The following CXCL13 variants were observed in gnomAD, a reference collection of about 807,000 sequenced individuals.
CXCL13 encodes the protein C-X-C motif chemokine ligand 13.
In CXCL13, 7 loss-of-function variants were observed where a neutral mutation model predicts 12.2. The ratio of observed to expected loss-of-function variants is 0.57; its 90% CI spans 0.33 to 1.07. The LOEUF is 1.07. Ranked by LOEUF, CXCL13 falls within the 50% of genes least tolerant of loss-of-function variation. The pLI is 0.04. For missense variants in CXCL13, 113 were observed against 127.4 expected, an observed-to-expected ratio of 0.89 and a Z score of 0.55; for synonymous variants, 47 against 42.4, an observed-to-expected ratio of 1.11 and a Z score of -0.42.
chr4:77,596,518 C>T (rs991028539), intron 1 of CXCL13, among the ~76,000 whole-genome samples: 1 of 152,186 alleles, frequency 6.6e-6, no homozygotes, highest in African/African-American at 2.4e-5. Context: ...GGCACAGTGG[C>T]TCATGCCTGT....
At chr4:77,515,811 A>C (rs545570985) in intron 1 of CXCL13, among the ~76,000 whole-genome samples, 2,226 of 152,076 alleles carry the variant, frequency 0.015, 36 homozygotes, top group Non-Finnish European at 0.022. Context: ...CCTTCTCCTG[A>C]CTAATTGCCC....
intron 1 of CXCL13, among the ~76,000 whole-genome samples, chr4:77,568,344 C>G (rs1447728012): frequency 6.6e-6 from 1 of 152,166 alleles, no homozygotes; most frequent in Non-Finnish European, 1.5e-5. Context: ...TCTGGGTGCC[C>G]CATAGCAGCA....
Position 77,610,606 on chromosome 4 carries a change from TC to T in CXCL13, c.198-3del, listed in dbSNP as rs1004372342. On this transcript the variant is annotated splice_region_variant and splice_polypyrimidine_tract_variant and intron_variant, in intron 2 of 3. Coordinates refer to ENST00000682537, the MANE Select transcript of CXCL13 (RefSeq NM_001371558.1). ...AGACTGAATTATTTAATTTTTATTT[TC>T]CCCCAGAGTCTGGAAGAAGAACAAG... The T allele has an allele frequency of 1.3e-6, 2 of 1,599,696 alleles. No homozygotes were observed. The highest frequency in any genetic ancestry group is 1.7e-6 in the Non-Finnish European group (2 of 1,167,150).
At chr4:77,586,961 G>A (rs1726487324) in intron 1 of CXCL13, among the ~76,000 whole-genome samples, 1 of 152,204 alleles carries the variant, frequency 6.6e-6, no homozygotes, top group Non-Finnish European at 1.5e-5. Context: ...AATAAGGGAA[G>A]TTCTAGGGGG....
intron 1 of CXCL13, among the ~76,000 whole-genome samples, chr4:77,590,799 T>C (rs1726586237): frequency 1.3e-5 from 2 of 152,224 alleles, no homozygotes; most frequent in African/African-American, 2.4e-5. Context: ...TATTTTTATT[T>C]TGTGACCAGA....
chr4:77,523,526 T>C (rs1241855002), intron 1 of CXCL13, among the ~76,000 whole-genome samples: 1 of 152,252 alleles, frequency 6.6e-6, no homozygotes, highest in Non-Finnish European at 1.5e-5. Context: ...TGTGCATGCA[T>C]CACGAAGTTC....
intron 1 of CXCL13, among the ~76,000 whole-genome samples, chr4:77,520,206 T>G (rs1724554486): frequency 6.6e-6 from 1 of 152,204 alleles, no homozygotes; most frequent in Admixed American, 6.5e-5. Flanking sequence ...GGGCTCTTTT[T>G]TGGTTCCATA....
intron 1 of CXCL13, among the ~76,000 whole-genome samples, chr4:77,514,838 T>C (rs1724375580): frequency 6.6e-6 from 1 of 152,326 alleles, no homozygotes; most frequent in East Asian, 1.9e-4. Flanking sequence ...ATTTTGGCTT[T>C]TGTTGCCATT....
intron 1 of CXCL13, among the ~76,000 whole-genome samples, chr4:77,532,084 T>C (rs1169238813): frequency 2.0e-5 from 3 of 152,250 alleles, no homozygotes; most frequent in African/African-American, 4.8e-5. Flanking sequence ...TTTGATGCTA[T>C]CATTATGATG....
intron 1 of CXCL13, among the ~76,000 whole-genome samples, chr4:77,583,809 A>C (rs1272254353): frequency 6.6e-6 from 1 of 152,310 alleles, no homozygotes; most frequent in East Asian, 1.9e-4. Flanking sequence ...GCAATGAAGG[A>C]TAACCATCGA....
intron 1 of CXCL13, among the ~76,000 whole-genome samples, chr4:77,561,800 C>T (rs975762725): frequency 1.3e-5 from 2 of 152,218 alleles, no homozygotes; most frequent in African/African-American, 2.4e-5. Flanking sequence ...CTTGAAGAGC[C>T]CTTCAGCCCA....
chr4:77,607,123 G>C (rs889065965), intron 1 of CXCL13, among the ~76,000 whole-genome samples: 1 of 152,162 alleles, frequency 6.6e-6, no homozygotes. Flanking sequence ...GCATGTTATT[G>C]CTCCCAGGAC....
intron 1 of CXCL13, among the ~76,000 whole-genome samples, chr4:77,559,757 C>A (rs1725757806): frequency 6.6e-6 from 1 of 151,932 alleles, no homozygotes; most frequent in Non-Finnish European, 1.5e-5. Flanking sequence ...CCCGTCTCTA[C>A]TAAAAATACA....
At chr4:77,571,043 G>T (rs62304075) in intron 1 of CXCL13, among the ~76,000 whole-genome samples, 5,551 of 152,120 alleles carry the variant, frequency 0.036, 210 homozygotes, top group East Asian at 0.13. Context: ...GGCCTGAGGA[G>T]TGTGAGCGCA....
At chr4:77,607,589 C>T in intron 1 of CXCL13, 114 bp from the exon 2 acceptor site, 2 of 964,356 alleles carry the variant, frequency 2.1e-6, no homozygotes, top group Non-Finnish European at 3.1e-6. Flanking sequence ...GGTGGAAGCA[C>T]TGACTTGAAA....
At chr4:77,538,222 T>C (rs1560518973) in intron 1 of CXCL13, among the ~76,000 whole-genome samples, 1 of 152,172 alleles carries the variant, frequency 6.6e-6, no homozygotes, top group African/African-American at 2.4e-5. Context: ...GGTGCCTCAG[T>C]TCATGACTAC....
chr4:77,524,074 T>A (rs1724696065), intron 1 of CXCL13, among the ~76,000 whole-genome samples: 1 of 152,128 alleles, frequency 6.6e-6, no homozygotes, highest in Admixed American at 6.5e-5. Context: ...GAACAGCAAA[T>A]ATTGCTGCCT....
At chr4:77,516,153 G>A (rs1296510834) in intron 1 of CXCL13, among the ~76,000 whole-genome samples, 12 of 152,202 alleles carry the variant, frequency 7.9e-5, no homozygotes, top group Admixed American at 7.9e-4. Flanking sequence ...TCCCAGAGAT[G>A]AAGCCCACTT....
At chr4:77,535,695 G>A (rs796824033) in intron 1 of CXCL13, among the ~76,000 whole-genome samples, 4 of 152,254 alleles carry the variant, frequency 2.6e-5, no homozygotes, top group African/African-American at 9.6e-5. Context: ...AAGGTAAGGA[G>A]GCTACATGGA....
Sources: gnomAD v4.1 joint callset for allele counts (sites outside exome capture counted in the v4.1 genomes callset) on GRCh38, gnomAD v4.1.1 for gene constraint, MANE v1.5 for transcripts, NCBI Gene and HGNC (gene_info 2026-07-23, HGNC 2026-07-21) for gene names.